EPSTI1: variants seen among roughly 807,000 people sequenced by gnomAD.
The protein encoded by EPSTI1 is epithelial-stromal interaction protein 1.
A neutral mutation model predicts 49.9 loss-of-function variants in EPSTI1; 66 were observed. That is an observed-to-expected ratio of 1.32 (90% CI 1.08 to 1.62). The LOEUF (loss-of-function observed/expected upper bound fraction) is 1.62. Among genes scored for constraint, EPSTI1 ranks in the 40% most tolerant of loss-of-function variants. The pLI, the probability that EPSTI1 is intolerant of heterozygous loss-of-function variation, is 0.00. For missense variants in EPSTI1, 394 were observed against 365.5 expected (o/e 1.08, Z -0.64); for synonymous variants, 137 against 130.7 (o/e 1.05, Z -0.33).
chr13:42,965,510 G>A (rs1018000645), intron 3 of EPSTI1, among the ~76,000 whole-genome samples: 1 of 152,134 alleles, frequency 6.6e-6, no homozygotes, highest in Non-Finnish European at 1.5e-5. Context: ...ACCTACCTTG[G>A]GGAACCTTAA....
rs531697485 is a variant in EPSTI1 at position 42,917,541 on chromosome 13, C to A, written c.741G>T (p.Lys247Asn). The A allele has an allele frequency of 4.6e-6, 7 of 1,521,306 alleles. No homozygotes were observed. In the Admixed American group the frequency reaches 1.1e-4, roughly 23 times the overall value. 94.2% of individuals were successfully genotyped at this position (1,521,306 alleles called of 1,614,324 possible). A position where few individuals can be genotyped will look rare whatever the true frequency, so the allele number is the denominator to read the frequency against. Residue 247 changes from lysine (K) to asparagine (N), a missense_variant and splice_region_variant, in exon 8 of 11, where the codon AAG (lysine) becomes AAT (asparagine). Coordinates refer to ENST00000313624, the MANE Select transcript of EPSTI1 (RefSeq NM_033255.5). ...LQKMKDEQHQ[K>N]SELLELKRQQ... ...ATAACTAGTAGGGGCTTGTAAGTAC[C>A]TTTTGATGTTGTTCATCCTTCATCT... is the stretch of plus-strand genomic sequence containing the variant.
chr13:42,948,430 T>TGG (rs1566146547), intron 6 of EPSTI1, among the ~76,000 whole-genome samples: 18 of 110,988 alleles, frequency 1.6e-4, no homozygotes, highest in Non-Finnish European at 2.5e-4. Context: ...TTGTTGTTTT[T>TGG]TTTTTTTTTT....
chr13:42,949,026 T>C (rs1002917201), intron 6 of EPSTI1, among the ~76,000 whole-genome samples: 2 of 152,294 alleles, frequency 1.3e-5, no homozygotes, highest in Non-Finnish European at 2.9e-5. Flanking sequence ...ATAGACGTCA[T>C]AGACTGCCCT....
At position 42,888,312 on chromosome 13, in the gene EPSTI1, C is replaced by T; in HGVS notation, c.*182G>A. The stretch of plus-strand genomic sequence containing the variant: ...TTAAATATGAGTTCAGGAATCAGCT[C>T]CTCCAAACATGCATAAATGAGGACA... On this transcript the variant is annotated 3_prime_UTR_variant, in exon 11 of 11. Coordinates refer to ENST00000313624, the MANE Select transcript of EPSTI1 (RefSeq NM_033255.5). The T allele has an allele frequency of 6.2e-7, 1 of 1,614,096 alleles. No homozygotes were observed.
intron 8 of EPSTI1, among the ~76,000 whole-genome samples, chr13:42,908,013 A>T (rs538630362): frequency 6.6e-6 from 1 of 152,344 alleles, no homozygotes; most frequent in African/African-American, 2.4e-5. Context: ...TCCTCAATAA[A>T]CAGTAGTGGG....
At chr13:42,898,019 A>C (rs1218990645) in intron 9 of EPSTI1, among the ~76,000 whole-genome samples, 1 of 152,144 alleles carries the variant, frequency 6.6e-6, no homozygotes, top group East Asian at 1.9e-4. Flanking sequence ...AAATCCTTTC[A>C]AGTCCTTGAC....
At position 42,937,309 on chromosome 13, in the gene EPSTI1, G is replaced by A. The variant is rs564670768; in HGVS notation, c.564-10880C>T. Among the ~76,000 whole-genome samples, 7 of 152,284 alleles carry A rather than the reference G, an allele frequency of 4.6e-5. No individual in the cohort carries two copies. In the South Asian group the frequency reaches 1.2e-3, roughly 27 times the overall value. ...TGTTGATAACCTGCTGACTAATCAG[G>A]GTGGTAGTTGCTAAAGGCCAGAGTT... On this transcript the variant is annotated intron_variant, in intron 6 of 10. Coordinates refer to ENST00000313624, the MANE Select transcript of EPSTI1 (RefSeq NM_033255.5).
At chr13:42,936,784 C>G (rs1055200012) in intron 6 of EPSTI1, among the ~76,000 whole-genome samples, 1 of 152,230 alleles carries the variant, frequency 6.6e-6, no homozygotes, top group Non-Finnish European at 1.5e-5. Context: ...CAAACCATCT[C>G]AAACTTAAAC....
chr13:42,969,220 C>G, intron 2 of EPSTI1, 43 bp from the exon 3 acceptor site: 1 of 1,589,488 alleles, frequency 6.3e-7, no homozygotes, highest in Non-Finnish European at 8.6e-7. Context: ...TATTAGACTT[C>G]TAAAAGAAAA....
intron 6 of EPSTI1, among the ~76,000 whole-genome samples, chr13:42,939,067 A>G (rs4942180): frequency 0.12 from 18,400 of 152,140 alleles, 1,425 homozygotes; most frequent in Non-Finnish European, 0.17. Context: ...CTTAAACCTC[A>G]TGAACCAACC....
At chr13:42,891,721 C>T (rs983853487) in intron 10 of EPSTI1, among the ~76,000 whole-genome samples, 1 of 152,150 alleles carries the variant, frequency 6.6e-6, no homozygotes, top group Non-Finnish European at 1.5e-5. Flanking sequence ...TGAATCACAA[C>T]CACTTGTTTC....
At chr13:42,974,590 C>T (rs988516946) in intron 1 of EPSTI1, among the ~76,000 whole-genome samples, 2 of 150,222 alleles carry the variant, frequency 1.3e-5, no homozygotes, top group Admixed American at 6.7e-5. Flanking sequence ...ACCAGGGAGG[C>T]GGAGCTTGCA....
At chr13:42,975,599 A>C (rs545266040) in intron 1 of EPSTI1, among the ~76,000 whole-genome samples, 5 of 152,334 alleles carry the variant, frequency 3.3e-5, no homozygotes, top group African/African-American at 1.2e-4. Flanking sequence ...GCTTACTGAG[A>C]TATTGTAAAT....
chr13:42,968,973 A>C (rs2039696125), intron 3 of EPSTI1, 121 bp downstream of exon 3: 1 of 878,100 alleles, frequency 1.1e-6, no homozygotes, highest in Admixed American at 2.2e-5. Context: ...CATTCCACCC[A>C]AGCAGCACAA....
At chr13:42,897,099 CA>C (rs200789783) in intron 9 of EPSTI1, among the ~76,000 whole-genome samples, 2,117 of 121,984 alleles carry the variant, frequency 0.017, 40 homozygotes, top group African/African-American at 0.055. Context: ...AACTCTGTCT[CA>C]AAAAAAAAAA....
At chr13:42,898,828 C>A (rs954965226) in intron 9 of EPSTI1, among the ~76,000 whole-genome samples, 4 of 152,094 alleles carry the variant, frequency 2.6e-5, no homozygotes, top group South Asian at 4.1e-4. Flanking sequence ...CTCAGAAATC[C>A]AGAGAAATAA....
rs902358396 is a variant in EPSTI1, at chr13:42,926,384, G to A, written c.609C>T (p.Asp203=). 5 of 1,613,718 alleles carry A rather than the reference G, an allele frequency of 3.1e-6. No homozygotes were observed. In the South Asian group the frequency reaches 3.3e-5, roughly 11 times the overall value. The change falls in exon 7 of 11, where the codon GAC becomes GAT. Residue 203 remains aspartate (D), a synonymous_variant. Transcript: ENST00000313624. ...AAACAGCACTTTGACAGGCACTTCTGTCTGGCGATTCTGTGTTCAGTTTGC... is the reference window on the plus strand; with the variant it reads ...AAACAGCACTTTGACAGGCACTTCTATCTGGCGATTCTGTGTTCAGTTTGC... ...FLSKLNTESP[D]RSACQSAVCG...
intron 7 of EPSTI1, among the ~76,000 whole-genome samples, chr13:42,920,328 C>T (rs1231229333): frequency 1.3e-5 from 2 of 152,124 alleles, no homozygotes; most frequent in Non-Finnish European, 2.9e-5. Context: ...ATGAAATACA[C>T]ACAAGCTCTA....
intron 6 of EPSTI1, among the ~76,000 whole-genome samples, chr13:42,938,522 A>T (rs2038639869): frequency 6.6e-6 from 1 of 152,174 alleles, no homozygotes; most frequent in African/African-American, 2.4e-5. Flanking sequence ...AACAAAAGTT[A>T]GCCTGTCCTT....
Sources: gnomAD v4.1 joint callset for allele counts (sites outside exome capture counted in the v4.1 genomes callset) on GRCh38, gnomAD v4.1.1 for gene constraint, MANE v1.5 for transcripts, NCBI Gene and HGNC (gene_info 2026-07-23, HGNC 2026-07-21) for gene names.